MARVELD3: variants seen among roughly 807,000 people sequenced by gnomAD.
MARVELD3 encodes the protein MARVEL domain-containing protein 3.
Under a neutral mutation model 33.5 loss-of-function variants are expected in MARVELD3, and 28 were observed. The observed-to-expected ratio is 0.84, with a 90% CI of 0.62 to 1.15. MARVELD3 has a LOEUF of 1.15. MARVELD3 is among the 50% of genes most tolerant of loss of function. The pLI is 0.00. For missense variants in MARVELD3, 582 were observed against 547.6 expected, an observed-to-expected ratio of 1.06 and a Z score of -0.63; for synonymous variants, 241 against 230.4, an observed-to-expected ratio of 1.05 and a Z score of -0.42.
downstream of MARVELD3, chr16:71,638,338 A>T (rs2044595017): frequency 6.6e-6 from 1 of 152,448 alleles, no homozygotes; most frequent in Admixed American, 6.5e-5. Flanking sequence ...GTCGAAGGCC[A>T]CTTAACAAAA....
At chr16:71,638,842 T>G (rs2044598097), downstream of MARVELD3, 1 of 150,288 alleles carries the variant, frequency 6.7e-6, no homozygotes, top group Non-Finnish European at 1.5e-5. Flanking sequence ...ATGTGTAGAT[T>G]TGTGTGAGCA....
chr16:71,640,389 G>C, downstream of MARVELD3: 1 of 1,613,714 alleles, frequency 6.2e-7, no homozygotes, highest in Non-Finnish European at 8.5e-7. Context: ...TCTTCTCCTA[G>C]GTGTGGTGCA....
In MARVELD3 at chr16:71,635,029, T is replaced by G. The variant is rs1337226123; in HGVS notation, c.*226T>G. Reference sequence around the variant, plus strand: ...GTGAGGGACCAATCAAAATTATTTTTCAAAAAGCAAAAAAATGGCCGGCCT... The same window carrying G: ...GTGAGGGACCAATCAAAATTATTTTGCAAAAAGCAAAAAAATGGCCGGCCT... On this transcript the variant is annotated 3_prime_UTR_variant, in exon 3 of 3. Transcript: ENST00000268485. 4 of 1,238,998 alleles carry G rather than the reference T, an allele frequency of 3.2e-6. No individual in the cohort carries two copies. In the African/African-American group the frequency reaches 4.6e-5, roughly 14 times the overall value. 76.8% of individuals were successfully genotyped at this position (1,238,998 alleles called of 1,614,324 possible).
Position 71,634,952 on chromosome 16 carries a change from T to C in MARVELD3, c.*149T>C. On this transcript the variant is annotated 3_prime_UTR_variant, in exon 3 of 3. Transcript: ENST00000268485. ...GTGGTGGGCGGAGCTCCCAGTCGCA[T>C]GGAGCGGTGTTCATGGATGCAACAG... 6 of 1,431,452 alleles carry C rather than the reference T, an allele frequency of 4.2e-6. No homozygotes were observed. In the South Asian group the frequency reaches 6.1e-5, roughly 15 times the overall value. The allele number at this position is 1,431,452 out of a possible 1,614,324, so 88.7% of individuals were successfully genotyped here.
downstream of MARVELD3, among the ~76,000 whole-genome samples, chr16:71,639,977 C>G (rs2044605522): frequency 6.6e-6 from 1 of 152,034 alleles, no homozygotes; most frequent in Non-Finnish European, 1.5e-5. Context: ...ATTAAATATA[C>G]TGATGTTGAG....
chr16:71,633,696 T>C lies in MARVELD3; in HGVS notation c.596-497T>C, dbSNP rs2044553977. ...AGGCGTGAGCCACCATACCCAGTCT[T>C]TTTTTTTTTTTTTTTTTTAAATTAG... is the stretch of plus-strand genomic sequence containing the variant. On this transcript the variant is annotated intron_variant, in intron 2 of 2. Coordinates refer to ENST00000268485, the MANE Select transcript of MARVELD3 (RefSeq NM_052858.6). 5.2e-5 allele frequency among the ~76,000 whole-genome samples: 6 copies of C among 114,346 alleles called. No individual in the cohort carries two copies. The South Asian group carries it at 3.3e-3, about 62-fold the overall frequency. The allele number at this position is 114,346 out of a possible 152,430, so 75.0% of individuals were successfully genotyped here. A position where few individuals can be genotyped will look rare whatever the true frequency, so the allele number is the denominator to read the frequency against.
chr16:71,629,563 G>A (rs2044508277), intron 2 of MARVELD3, 69 bp downstream of exon 2: 1 of 1,462,716 alleles, frequency 6.8e-7, no homozygotes, highest in Non-Finnish European at 9.0e-7. Flanking sequence ...GGTCTGAGCT[G>A]GTGAAGCAAA....
At chr16:71,640,980 G>A (rs1337583586), downstream of MARVELD3, 10 of 1,612,882 alleles carry the variant, frequency 6.2e-6, no homozygotes, top group South Asian at 1.1e-5. Flanking sequence ...AGAACAGCCC[G>A]GAAGTTACAG....
chr16:71,634,204 A>G lies in MARVELD3; in HGVS notation c.607A>G (p.Met203Val). 9 of 1,601,360 alleles carry G rather than the reference A, an allele frequency of 5.6e-6. No homozygotes were observed. The highest frequency in any genetic ancestry group is 7.7e-6 in the Non-Finnish European group (9 of 1,170,752). ...CCCTTTTTTTGCAGCCTGCTGCCAA[A>G]TGCTGGAGGTTCTCCTGAACTTGCT... The part of the protein sequence containing the change: ...YLCTGRACCQ[M>V]LEVLLNLLIL... Residue 203 changes from methionine (M) to valine (V), a missense_variant, in exon 3 of 3, where the codon ATG (methionine) becomes GTG (valine). Physicochemically the swap from Met to Val is conservative, Grantham distance 21 (BLOSUM62 1). Coordinates refer to ENST00000268485, the MANE Select transcript of MARVELD3 (RefSeq NM_052858.6).
Position 71,634,307 on chromosome 16 carries a change from A to C in MARVELD3, c.710A>C (p.Tyr237Ser), listed in dbSNP as rs2044560838. 6.2e-7 allele frequency: 1 copy of C among 1,614,116 alleles called. No homozygotes were observed. ...ATCACCAGCTTGGGGGGCATTTACT[A>C]CTATCAGTTCGGAGGGGCTTACAGT... ...TGITSLGGIYYYQFGGAYSGF... is the reference protein window; with the variant it reads ...TGITSLGGIYSYQFGGAYSGF... Residue 237 changes from tyrosine to serine, a missense_variant, in exon 3 of 3, where the codon TAC (tyrosine) becomes TCC (serine). Transcript: ENST00000268485.
chr16:71,638,629 T>C (rs1448085783), downstream of MARVELD3: 1 of 152,228 alleles, frequency 6.6e-6, no homozygotes, highest in Non-Finnish European at 1.5e-5. Context: ...CTTTTCGTTT[T>C]GAAATATAGA....
intron 2 of MARVELD3, among the ~76,000 whole-genome samples, chr16:71,633,572 T>C (rs2145279785): frequency 6.6e-6 from 1 of 152,256 alleles, no homozygotes; most frequent in African/African-American, 2.4e-5. Flanking sequence ...TTTTGTATTT[T>C]TTAGTAAAGA....
Position 71,626,424 on chromosome 16 carries a change from G to T in MARVELD3, c.195G>T (p.Arg65Ser). ...GDRDPERDQE[R>S]DGNRDRNRDR... ...GGGACCCGGAGAGAGACCAGGAGAGGGACGGGAACCGCGACCGGAACCGGG... is the reference window on the plus strand; with the variant it reads ...GGGACCCGGAGAGAGACCAGGAGAGTGACGGGAACCGCGACCGGAACCGGG... Residue 65 changes from arginine to serine, a missense_variant, in exon 1 of 3, where the codon AGG becomes AGT. Arg to Ser is a moderately radical substitution (Grantham distance 110). Transcript: ENST00000268485. The surrounding 1 kb of genome is among the most constrained non-coding windows in gnomAD (Gnocchi z 5.3). 1 of 1,546,736 alleles carries T rather than the reference G, an allele frequency of 6.5e-7. No homozygotes were observed. Among genetic ancestry groups the T allele is most frequent in the Non-Finnish European group, 8.7e-7 (1 of 1,144,986 alleles).
chr16:71,635,140 C>A lies in MARVELD3; in HGVS notation c.*337C>A. On this transcript the variant is annotated 3_prime_UTR_variant, in exon 3 of 3. Transcript: ENST00000268485. ...GTCAGGAGCTCGAGACCAGCTTGGCCAACATGGTGAGCCCCCGTCTCTACT... is the reference window on the plus strand; with the variant it reads ...GTCAGGAGCTCGAGACCAGCTTGGCAAACATGGTGAGCCCCCGTCTCTACT... 1.2e-6 allele frequency: 1 copy of A among 845,968 alleles called. No individual in the cohort carries two copies. Among genetic ancestry groups the A allele is most frequent in the Non-Finnish European group, 1.4e-6 (1 of 693,862 alleles). 52.4% of individuals were successfully genotyped at this position (845,968 alleles called of 1,614,324 possible).
rs1438346187 is a variant in MARVELD3 at position 71,635,516 on chromosome 16, A to G, written c.*713A>G. 3 of 984,280 alleles carry G rather than the reference A, an allele frequency of 3.0e-6. No homozygotes were observed. The African/African-American group carries it at 5.3e-5, about 17-fold the overall frequency. 61.0% of individuals were successfully genotyped at this position (984,280 alleles called of 1,614,324 possible). On this transcript the variant is annotated 3_prime_UTR_variant, in exon 3 of 3. Transcript: ENST00000268485. The stretch of plus-strand genomic sequence containing the variant: ...CAGAGCTTTGGGAGGCTGAGGTAGG[A>G]GGATTGCTTGAACCCAGGAGTTCAA...
At chr16:71,632,698 G>A (rs1183133147) in intron 2 of MARVELD3, among the ~76,000 whole-genome samples, 3 of 150,832 alleles carry the variant, frequency 2.0e-5, no homozygotes, top group South Asian at 4.2e-4. Context: ...TGCAAACTCC[G>A]CCTCCTGGGT....
In MARVELD3 at chr16:71,629,397, G is replaced by C. The variant is rs200818950; in HGVS notation, c.498G>C (p.Ser166=). ...CCCCTTCGGAGAGATATCTGCCCTCGACCCCCAGGCCTGGACGAGAGGAGG... is the reference window on the plus strand; with the variant it reads ...CCCCTTCGGAGAGATATCTGCCCTCCACCCCCAGGCCTGGACGAGAGGAGG... ...SEPPSERYLP[S]TPRPGREEVE... is the part of the protein sequence containing the mutation. Residue 166 remains serine, a synonymous_variant, in exon 2 of 3, where the codon TCG becomes TCC. Transcript: ENST00000268485. 58 of 1,568,778 alleles carry C rather than the reference G, an allele frequency of 3.7e-5. No homozygotes were observed. Among genetic ancestry groups the C allele is most frequent in the Non-Finnish European group, 5.0e-5 (58 of 1,162,012 alleles).
downstream of MARVELD3, chr16:71,640,407 G>C: frequency 2.5e-6 from 4 of 1,614,174 alleles, no homozygotes; most frequent in South Asian, 2.2e-5. Flanking sequence ...GCAGATAGTG[G>C]AGGTGGTCTT....
downstream of MARVELD3, chr16:71,639,060 C>CTTTTTTT (rs34319437): frequency 5.0e-5 from 3 of 59,584 alleles, no homozygotes; most frequent in East Asian, 6.5e-4. Context: ...CAGACTGGTT[C>CTTTTTTT]TTTTTTTTTT....
Sources: allele counts gnomAD v4.1 joint callset (sites outside exome capture counted in the v4.1 genomes callset), GRCh38; gene constraint gnomAD v4.1.1; non-coding constraint Gnocchi (gnomAD v3.1); transcripts MANE v1.5; gene names NCBI Gene and HGNC (gene_info 2026-07-23, HGNC 2026-07-21).